Variants in FMN2 observed in about 807,000 individuals in gnomAD.
FMN2 encodes formin-2.
A neutral mutation model predicts 142.3 loss-of-function variants in FMN2; 51 were observed. The ratio of observed to expected loss-of-function variants is 0.36; its 90% CI spans 0.29 to 0.45. FMN2 has a LOEUF of 0.45. Among genes scored for constraint, FMN2 ranks in the 20% least tolerant of loss-of-function variants. FMN2 has a pLI of 1.00. For missense variants in FMN2, 1,936 were observed against 2,122.8 expected (o/e 0.91, Z 1.73); for synonymous variants, 882 against 869.8 (o/e 1.01, Z -0.25).
intron 15 of FMN2, among the ~76,000 whole-genome samples, chr1:240,435,213 A>C (rs1675325460): frequency 6.6e-6 from 1 of 150,526 alleles, no homozygotes; most frequent in South Asian, 2.1e-4. Context: ...ACTTTTATTT[A>C]ATCTTCATGA....
chr1:240,417,881 A>G (rs542749222), intron 15 of FMN2, among the ~76,000 whole-genome samples: 1 of 152,264 alleles, frequency 6.6e-6, no homozygotes, highest in South Asian at 2.1e-4. Flanking sequence ...TTTCAATTCC[A>G]TGACGTTTTC....
Position 240,241,825 on chromosome 1 carries a change from C to CTTT in FMN2, c.4066-16093_4066-16091dup, listed in dbSNP as rs71567282. ...ATTTTCTTTATTTTAGTGTGCCTTG[C>CTTT]TTTTTTTTTTTTTTTTTTTTTTTTT... On this transcript the variant is annotated intron_variant, in intron 6 of 17. Transcript: ENST00000319653. 8.6e-4 allele frequency among the ~76,000 whole-genome samples: 83 copies of CTTT among 96,212 alleles called. 8 individuals carry two copies. Among genetic ancestry groups the CTTT allele is most frequent in the Non-Finnish European group, 1.2e-3 (58 of 46,634 alleles). The allele number at this position is 96,212 out of a possible 152,430, so 63.1% of individuals were successfully genotyped here.
intron 16 of FMN2, chr1:240,459,494 C>G (rs914016047): frequency 9.2e-5 from 14 of 152,114 alleles, no homozygotes; most frequent in African/African-American, 3.1e-4. Flanking sequence ...CTGAGGTGGG[C>G]GGATCACGAG....
At chr1:240,241,698 C>A (rs780927650) in intron 6 of FMN2, among the ~76,000 whole-genome samples, 1 of 151,934 alleles carries the variant, frequency 6.6e-6, no homozygotes, top group Non-Finnish European at 1.5e-5. Context: ...AAGGCTATGG[C>A]GCTACTCCTC....
At chr1:240,329,295 A>G (rs780901522) in intron 9 of FMN2, 44 bp from the exon 10 acceptor site, 1 of 1,604,068 alleles carries the variant, frequency 6.2e-7, no homozygotes, top group South Asian at 1.1e-5. Context: ...ACATCTGTTT[A>G]TGTGAATTAT....
At chr1:240,107,180 T>C (rs1328585053) in intron 1 of FMN2, among the ~76,000 whole-genome samples, 1 of 152,040 alleles carries the variant, frequency 6.6e-6, no homozygotes, top group Non-Finnish European at 1.5e-5. Context: ...ATGTCCAGTG[T>C]TGGCATGCGT....
chr1:240,118,058 T>C (rs1300334955), intron 1 of FMN2, among the ~76,000 whole-genome samples: 1 of 152,150 alleles, frequency 6.6e-6, no homozygotes, highest in Non-Finnish European at 1.5e-5. Flanking sequence ...AAGAGTGTTC[T>C]AGTGCAAAAG....
At chr1:240,430,575 C>G (rs1675130587) in intron 15 of FMN2, among the ~76,000 whole-genome samples, 1 of 151,786 alleles carries the variant, frequency 6.6e-6, no homozygotes, top group East Asian at 1.9e-4. Context: ...TTGTTTGGCC[C>G]AAAGATGTAA....
intron 15 of FMN2, among the ~76,000 whole-genome samples, chr1:240,420,297 C>T (rs890751385): frequency 1.3e-5 from 2 of 152,172 alleles, no homozygotes; most frequent in Non-Finnish European, 2.9e-5. Flanking sequence ...TCAGCTTCCA[C>T]ATTCCTTCCT....
intron 15 of FMN2, among the ~76,000 whole-genome samples, chr1:240,407,706 A>G (rs1674258571): frequency 6.6e-6 from 1 of 152,096 alleles, no homozygotes; most frequent in East Asian, 1.9e-4. Context: ...TACCTTTCAA[A>G]CAGCAATTTA....
At chr1:240,203,461 T>C (rs1309371810) in intron 4 of FMN2, among the ~76,000 whole-genome samples, 1 of 152,158 alleles carries the variant, frequency 6.6e-6, no homozygotes, top group Non-Finnish European at 1.5e-5. Context: ...ATATACACCA[T>C]GGAATACTAT....
intron 14 of FMN2, among the ~76,000 whole-genome samples, chr1:240,373,200 G>A (rs1672930435): frequency 6.6e-6 from 1 of 152,034 alleles, no homozygotes; most frequent in African/African-American, 2.4e-5. Context: ...ATAAATAATT[G>A]CTAACAATCA....
chr1:240,433,861 G>A (rs1675263574), intron 15 of FMN2, among the ~76,000 whole-genome samples: 1 of 152,158 alleles, frequency 6.6e-6, no homozygotes, highest in East Asian at 1.9e-4. Flanking sequence ...CGTTGGGGAC[G>A]TTAGATACCT....
chr1:240,108,515 A>G (rs1408199255), intron 1 of FMN2, among the ~76,000 whole-genome samples: 1 of 152,184 alleles, frequency 6.6e-6, no homozygotes. Flanking sequence ...GCTTGTCAAC[A>G]TCCTTATTTC....
intron 16 of FMN2, among the ~76,000 whole-genome samples, chr1:240,470,834 T>A (rs1489981726): frequency 1.2e-5 from 1 of 81,682 alleles, no homozygotes; most frequent in Non-Finnish European, 2.3e-5. Flanking sequence ...GCTCCCCTTT[T>A]TATTAAAAAA....
At position 240,268,378 on chromosome 1, in the gene FMN2, A is replaced by T. The variant is rs1379076; in HGVS notation, c.4153+10346A>T. Among the ~76,000 whole-genome samples, 67 of 152,038 alleles carry T rather than the reference A, an allele frequency of 4.4e-4. No individual in the cohort carries two copies. The South Asian group carries it at 7.9e-3, about 18-fold the overall frequency. ...ATTATCTAACAGCTCTTAGAAGTTG[A>T]GCATGACTACATGTTTGGACTGTTT... On this transcript the variant is annotated intron_variant, in intron 7 of 17. Transcript: ENST00000319653.
At chr1:240,171,547 T>C (rs1664702797) in intron 2 of FMN2, among the ~76,000 whole-genome samples, 1 of 152,166 alleles carries the variant, frequency 6.6e-6, no homozygotes, top group Non-Finnish European at 1.5e-5. Flanking sequence ...ATACAGACTA[T>C]TGGACAATGA....
At chr1:240,251,962 G>C (rs1668291151) in intron 6 of FMN2, among the ~76,000 whole-genome samples, 1 of 152,276 alleles carries the variant, frequency 6.6e-6, no homozygotes, top group South Asian at 2.1e-4. Context: ...AGGCTGGAGG[G>C]CAGTGACGCT....
rs34969961 is a variant in FMN2 at position 240,434,728 on chromosome 1, A to ATTT, written c.4911-3318_4911-3316dup. 1.6e-3 allele frequency among the ~76,000 whole-genome samples: 204 copies of ATTT among 130,746 alleles called. 1 individual carries two copies. Among genetic ancestry groups the ATTT allele is most frequent in the African/African-American group, 4.0e-3 (139 of 34,508 alleles). 85.8% of individuals were successfully genotyped at this position (130,746 alleles called of 152,430 possible). ...AGGCACCCACAACCACACCCTGCTA[A>ATTT]TTTTTTTTTTTTTTTTTGTATTTTT... On this transcript the variant is annotated intron_variant, in intron 15 of 17. Transcript: ENST00000319653.
Sources: gnomAD v4.1 joint callset for allele counts (sites outside exome capture counted in the v4.1 genomes callset) on GRCh38, gnomAD v4.1.1 for gene constraint, MANE v1.5 for transcripts, NCBI Gene and HGNC (gene_info 2026-07-23, HGNC 2026-07-21) for gene names.